The following ME1 variants were observed in gnomAD, a reference collection of about 807,000 sequenced individuals.
The protein encoded by ME1 is NADP-dependent malic enzyme.
In ME1, 74 loss-of-function variants were observed where a neutral mutation model predicts 66.4. The ratio of observed to expected loss-of-function variants is 1.11; its 90% CI spans 0.92 to 1.35. The LOEUF (loss-of-function observed/expected upper bound fraction) is 1.35, where lower values mean the gene tolerates loss of function less well. ME1 is among the 40% of genes most tolerant of loss of function. The pLI, the probability that ME1 is intolerant of heterozygous loss-of-function variation, is 0.00. For missense variants in ME1, 750 were observed against 694.1 expected (o/e 1.08, Z -0.90); for synonymous variants, 251 against 235.6 (o/e 1.07, Z -0.60).
Position 83,421,074 on chromosome 6 carries a change from G to A in ME1, c.78+9803C>T, listed in dbSNP as rs975674160. ...GAACCCCAAAGAAATTCTGAACGTC[G>A]AACTTGCTCTTCTCCTTCACAGCAC... On this transcript the variant is annotated intron_variant, in intron 1 of 13. Coordinates refer to ENST00000369705, the MANE Select transcript of ME1 (RefSeq NM_002395.6). Among the ~76,000 whole-genome samples the A allele has an allele frequency of 3.3e-5, 5 of 152,058 alleles. No individual in the cohort carries two copies. The East Asian group carries it at 5.8e-4, about 18-fold the overall frequency.
chr6:83,392,723 C>T (rs1769646138), intron 3 of ME1: 1 of 630,004 alleles, frequency 1.6e-6, no homozygotes, highest in Admixed American at 1.8e-5. Context: ...AGCATCTTCA[C>T]CACCATGGAG....
At chr6:83,384,243 TC>T in intron 3 of ME1, among the ~76,000 whole-genome samples, 1 of 151,558 alleles carries the variant, frequency 6.6e-6, no homozygotes, top group African/African-American at 2.4e-5. Context: ...TTGAGAAATC[TC>T]CAAACTGCTT....
At chr6:83,357,905 C>CTT (rs1768922857) in intron 3 of ME1, among the ~76,000 whole-genome samples, 1 of 27,182 alleles carries the variant, frequency 3.7e-5, no homozygotes, top group Non-Finnish European at 7.8e-5. Context: ...AAACTCCCCT[C>CTT]TCTCTCTCTC....
intron 6 of ME1, among the ~76,000 whole-genome samples, chr6:83,308,326 T>C (rs1327718662): frequency 6.6e-6 from 1 of 152,062 alleles, no homozygotes; most frequent in Non-Finnish European, 1.5e-5. Context: ...TTTAAAAAAT[T>C]TAATATTAGT....
chr6:83,235,631 C>A (rs1349444251), intron 9 of ME1, among the ~76,000 whole-genome samples: 1 of 152,008 alleles, frequency 6.6e-6, no homozygotes, highest in Non-Finnish European at 1.5e-5. Flanking sequence ...CCACCATGCC[C>A]AGCTAATTTT....
intron 5 of ME1, among the ~76,000 whole-genome samples, chr6:83,328,746 C>T (rs1365180027): frequency 1.3e-5 from 2 of 152,064 alleles, no homozygotes; most frequent in South Asian, 4.1e-4. Context: ...AGAATAAATA[C>T]TTGGTATTAA....
At chr6:83,251,094 G>T (rs1790715297) in intron 7 of ME1, among the ~76,000 whole-genome samples, 1 of 152,124 alleles carries the variant, frequency 6.6e-6, no homozygotes, top group Non-Finnish European at 1.5e-5. Flanking sequence ...TGTGGGCTTG[G>T]GGCTATGTTA....
At chr6:83,274,348 G>C (rs1469597362) in intron 6 of ME1, among the ~76,000 whole-genome samples, 3 of 152,066 alleles carry the variant, frequency 2.0e-5, no homozygotes, top group African/African-American at 7.2e-5. Flanking sequence ...TTATAAAAAT[G>C]CTCCATCTCT....
chr6:83,361,296 T>A (rs867372988), intron 3 of ME1, among the ~76,000 whole-genome samples: 7 of 152,312 alleles, frequency 4.6e-5, no homozygotes, highest in African/African-American at 1.7e-4. Flanking sequence ...AGGTAAAGGA[T>A]AAGTTGCTGC....
chr6:83,254,862 A>G (rs1403561148), intron 6 of ME1, among the ~76,000 whole-genome samples: 1 of 152,114 alleles, frequency 6.6e-6, no homozygotes, highest in African/African-American at 2.4e-5. Context: ...TCAAAGCTAT[A>G]GTTACTTATC....
At chr6:83,387,582 T>A (rs1769535438) in intron 3 of ME1, among the ~76,000 whole-genome samples, 1 of 152,080 alleles carries the variant, frequency 6.6e-6, no homozygotes. Context: ...ACATACTTCC[T>A]CACATGAAAT....
intron 6 of ME1, among the ~76,000 whole-genome samples, chr6:83,270,536 C>T (rs143277520): frequency 6.6e-6 from 1 of 152,274 alleles, no homozygotes; most frequent in African/African-American, 2.4e-5. Context: ...GAACTGCACA[C>T]TACTGCATGC....
chr6:83,291,430 G>C (rs1444022923), intron 6 of ME1, among the ~76,000 whole-genome samples: 1 of 152,216 alleles, frequency 6.6e-6, no homozygotes, highest in Non-Finnish European at 1.5e-5. Flanking sequence ...TTTGCTTTAA[G>C]AATGTTGAAT....
chr6:83,413,632 G>A (rs1034792549), intron 1 of ME1, among the ~76,000 whole-genome samples: 1 of 151,752 alleles, frequency 6.6e-6, no homozygotes, highest in Non-Finnish European at 1.5e-5. Flanking sequence ...TGTTTTAAGT[G>A]TCATATTTTC....
At chr6:83,323,695 T>C (rs933466108) in intron 5 of ME1, among the ~76,000 whole-genome samples, 2 of 152,140 alleles carry the variant, frequency 1.3e-5, no homozygotes, top group Non-Finnish European at 2.9e-5. Flanking sequence ...AGCAAGTTCA[T>C]AGAGACCTAC....
At chr6:83,411,576 A>G (rs1770049446) in intron 1 of ME1, among the ~76,000 whole-genome samples, 1 of 152,226 alleles carries the variant, frequency 6.6e-6, no homozygotes, top group Non-Finnish European at 1.5e-5. Flanking sequence ...AGAAATTTAT[A>G]AACAGGTCAG....
intron 3 of ME1, among the ~76,000 whole-genome samples, chr6:83,356,426 T>C (rs571640258): frequency 3.0e-4 from 45 of 151,956 alleles, no homozygotes; most frequent in Non-Finnish European, 5.7e-4. Flanking sequence ...TCAAGTAAAA[T>C]GTAGGTCTAA....
At chr6:83,429,432 C>T (rs1292626956) in intron 1 of ME1, among the ~76,000 whole-genome samples, 2 of 152,116 alleles carry the variant, frequency 1.3e-5, no homozygotes, top group Non-Finnish European at 2.9e-5. Flanking sequence ...TCTTAAGTGT[C>T]AACCCACAAC....
At chr6:83,397,479 T>C (rs1342070839) in intron 3 of ME1, among the ~76,000 whole-genome samples, 1 of 152,156 alleles carries the variant, frequency 6.6e-6, no homozygotes, top group Admixed American at 6.6e-5. Context: ...ACAATAAGTA[T>C]TGGCGAGGAA....
Sources: gnomAD v4.1 joint callset for allele counts (sites outside exome capture counted in the v4.1 genomes callset) on GRCh38, gnomAD v4.1.1 for gene constraint, MANE v1.5 for transcripts, NCBI Gene and HGNC (gene_info 2026-07-23, HGNC 2026-07-21) for gene names.